LHFPL6: variants seen among roughly 807,000 people sequenced by gnomAD.
LHFPL6 encodes LHFPL tetraspan subfamily member 6.
LHFPL6 carries 9 observed loss-of-function variants against 20.6 expected under a neutral mutation model. The observed-to-expected ratio is 0.44, with a 90% CI of 0.26 to 0.76. The LOEUF (loss-of-function observed/expected upper bound fraction) is 0.76, where lower values mean the gene tolerates loss of function less well. Among genes scored for constraint, LHFPL6 ranks in the 30% least tolerant of loss-of-function variants. The pLI, the probability that LHFPL6 is intolerant of heterozygous loss-of-function variation, is 0.20. For synonymous variants in LHFPL6, 105 were observed against 98.7 expected, an observed-to-expected ratio of 1.06 and a Z score of -0.38; for missense variants, 218 against 253.5, an observed-to-expected ratio of 0.86 and a Z score of 0.95.
At chr13:39,443,709 A>G (rs574083755) in intron 2 of LHFPL6, among the ~76,000 whole-genome samples, 1 of 152,218 alleles carries the variant, frequency 6.6e-6, no homozygotes, top group South Asian at 2.1e-4. Context: ...GAAGCAAGAT[A>G]TAGATGGTCC....
chr13:39,551,160 C>T (rs546915393), intron 2 of LHFPL6, among the ~76,000 whole-genome samples: 1 of 152,220 alleles, frequency 6.6e-6, no homozygotes, highest in African/African-American at 2.4e-5. Context: ...TAGCAGAATG[C>T]CACAGAGTGG....
At chr13:39,507,965 T>TC (rs1869547810) in intron 2 of LHFPL6, among the ~76,000 whole-genome samples, 1 of 142,260 alleles carries the variant, frequency 7.0e-6, no homozygotes, top group Admixed American at 7.1e-5. Flanking sequence ...TCCCTTTTTT[T>TC]CTCCCCTCCC....
chr13:39,457,203 C>T (rs1160592420), intron 2 of LHFPL6, among the ~76,000 whole-genome samples: 2 of 152,084 alleles, frequency 1.3e-5, no homozygotes, highest in Admixed American at 6.5e-5. Context: ...AACAAAAATA[C>T]AAGCAACATA....
chr13:39,424,365 A>G (rs544582400), intron 2 of LHFPL6, among the ~76,000 whole-genome samples: 67 of 152,308 alleles, frequency 4.4e-4, no homozygotes, highest in African/African-American at 1.5e-3. Context: ...AGTTGTAAGA[A>G]AGCTTAAATA....
chr13:39,462,195 G>A (rs1333685965), intron 2 of LHFPL6, among the ~76,000 whole-genome samples: 1 of 152,138 alleles, frequency 6.6e-6, no homozygotes, highest in African/African-American at 2.4e-5. Flanking sequence ...CTTCAGAAAG[G>A]CTGGAGATGA....
At chr13:39,473,160 T>A (rs1253683986) in intron 2 of LHFPL6, among the ~76,000 whole-genome samples, 1 of 151,688 alleles carries the variant, frequency 6.6e-6, no homozygotes, top group Non-Finnish European at 1.5e-5. Context: ...GAAACAGGTT[T>A]CCATGGAGGC....
At chr13:39,598,133 A>T (rs1458196062) in intron 2 of LHFPL6, among the ~76,000 whole-genome samples, 1 of 152,270 alleles carries the variant, frequency 6.6e-6, no homozygotes, top group African/African-American at 2.4e-5. Context: ...GATTCATAGA[A>T]CTCACTGGTT....
chr13:39,562,447 C>T (rs867138008), intron 2 of LHFPL6, among the ~76,000 whole-genome samples: 10,182 of 64,498 alleles, frequency 0.16, 1,792 homozygotes, highest in Middle Eastern at 0.3. Flanking sequence ...TACATATATA[C>T]ACATATATAC....
intron 2 of LHFPL6, among the ~76,000 whole-genome samples, chr13:39,423,236 T>C (rs370443664): frequency 9.2e-5 from 14 of 152,306 alleles, no homozygotes; most frequent in African/African-American, 3.4e-4. Flanking sequence ...ATTTACTTGG[T>C]TAGAATATCA....
chr13:39,413,693 A>G (rs1871288396), intron 2 of LHFPL6, among the ~76,000 whole-genome samples: 1 of 152,096 alleles, frequency 6.6e-6, no homozygotes, highest in Non-Finnish European at 1.5e-5. Context: ...ATTAAACTCT[A>G]ACATGCATAT....
intron 2 of LHFPL6, among the ~76,000 whole-genome samples, chr13:39,484,348 A>C (rs766241574): frequency 6.6e-6 from 1 of 152,178 alleles, no homozygotes; most frequent in Non-Finnish European, 1.5e-5. Context: ...GCTTGCCTCA[A>C]CTTTGGAGTC....
intron 2 of LHFPL6, among the ~76,000 whole-genome samples, chr13:39,467,670 G>A (rs1872838762): frequency 6.6e-6 from 1 of 152,148 alleles, no homozygotes; most frequent in Non-Finnish European, 1.5e-5. Flanking sequence ...TCATATCATA[G>A]AGGAAGAGAC....
chr13:39,472,749 C>T (rs1872978769), intron 2 of LHFPL6, among the ~76,000 whole-genome samples: 1 of 152,026 alleles, frequency 6.6e-6, no homozygotes, highest in African/African-American at 2.4e-5. Flanking sequence ...GCTGGGATTA[C>T]AGACACCCGA....
intron 2 of LHFPL6, among the ~76,000 whole-genome samples, chr13:39,575,408 T>C (rs1872083497): frequency 6.6e-6 from 1 of 152,176 alleles, no homozygotes; most frequent in African/African-American, 2.4e-5. Flanking sequence ...TTTATCTATA[T>C]TAAAATTAAA....
intron 2 of LHFPL6, among the ~76,000 whole-genome samples, chr13:39,562,430 A>ACATATATATACATATATG (rs1871529500): frequency 7.0e-6 from 1 of 143,766 alleles, no homozygotes; most frequent in African/African-American, 2.6e-5. Flanking sequence ...ATACATATAT[A>ACATATATATACATATATG]CATATATACA....
chr13:39,487,927 T>A (rs1868780665), intron 2 of LHFPL6, among the ~76,000 whole-genome samples: 1 of 152,178 alleles, frequency 6.6e-6, no homozygotes, highest in Non-Finnish European at 1.5e-5. Context: ...CTAATTGCTT[T>A]TGCTATTTAC....
intron 2 of LHFPL6, among the ~76,000 whole-genome samples, chr13:39,484,165 C>G (rs1409463386): frequency 1.3e-5 from 2 of 152,162 alleles, no homozygotes; most frequent in African/African-American, 4.8e-5. Context: ...CACCCGGTTT[C>G]AGATTCACAG....
intron 2 of LHFPL6, among the ~76,000 whole-genome samples, chr13:39,535,547 G>A (rs189669142): frequency 3.3e-5 from 5 of 152,286 alleles, no homozygotes; most frequent in Admixed American, 3.3e-4. Context: ...ACAGAAAGTG[G>A]CTATTTTTGT....
intron 2 of LHFPL6, among the ~76,000 whole-genome samples, chr13:39,418,390 T>TTTTTG (rs761769489): frequency 3.1e-4 from 14 of 44,840 alleles, no homozygotes; most frequent in Non-Finnish European, 9.7e-4. Flanking sequence ...GTCTTTTTTT[T>TTTTTG]TTTTTTTTTT....
Sources: allele counts gnomAD v4.1 joint callset (sites outside exome capture counted in the v4.1 genomes callset), GRCh38; gene constraint gnomAD v4.1.1; transcripts MANE v1.5; gene names NCBI Gene and HGNC (gene_info 2026-07-23, HGNC 2026-07-21).